Variants in CCDC30 observed in about 807,000 individuals in gnomAD.
CCDC30 encodes coiled-coil domain containing 30.
A neutral mutation model predicts 100.2 loss-of-function variants in CCDC30; 70 were observed. That is an observed-to-expected ratio of 0.70 (90% CI 0.58 to 0.85). The LOEUF (loss-of-function observed/expected upper bound fraction) is 0.85. Ranked by LOEUF, CCDC30 falls within the 40% of genes least tolerant of loss-of-function variation. The pLI is 0.00. For synonymous variants in CCDC30, 233 were observed against 269.5 expected (o/e 0.86, Z 1.33); for missense variants, 652 against 771.2 (o/e 0.85, Z 1.83).
intron 6 of CCDC30, among the ~76,000 whole-genome samples, chr1:42,512,114 A>T (rs1168762432): frequency 6.6e-6 from 1 of 152,250 alleles, no homozygotes; most frequent in Non-Finnish European, 1.5e-5. Flanking sequence ...CAGCATGAAC[A>T]TGTCCTCAAG....
At chr1:42,492,960 A>T (rs953055440) in intron 4 of CCDC30, among the ~76,000 whole-genome samples, 2 of 152,184 alleles carry the variant, frequency 1.3e-5, no homozygotes, top group African/African-American at 4.8e-5. Context: ...AGATATTTAT[A>T]AAAAGACCAT....
In CCDC30 at chr1:42,510,063, T is replaced by G. The variant is rs927655952; in HGVS notation, c.456+11147T>G. 7.1e-6 allele frequency: 7 copies of G among 985,226 alleles called. No individual in the cohort carries two copies. In the African/African-American group the frequency reaches 1.2e-4, roughly 17 times the overall value. The allele number at this position is 985,226 out of a possible 1,614,324, so 61.0% of individuals were successfully genotyped here. On this transcript the variant is annotated intron_variant, in intron 6 of 16. Coordinates refer to ENST00000668663, the Ensembl canonical transcript of CCDC30. The stretch of plus-strand genomic sequence containing the variant: ...CATAGAAAAGTCTCGGGGTTTGTGT[T>G]GTAGAATTGGAGGAGCTGACAATGT...
At chr1:42,593,767 A>G (rs1011747945) in intron 10 of CCDC30, 2 of 152,492 alleles carry the variant, frequency 1.3e-5, no homozygotes, top group African/African-American at 4.8e-5. Flanking sequence ...AAAGATCAAA[A>G]TATGTATGTA....
At chr1:42,482,632 T>C (rs1643981229) in intron 2 of CCDC30, 31 bp from the exon 3 acceptor site, 1 of 1,213,582 alleles carries the variant, frequency 8.2e-7, no homozygotes, top group Non-Finnish European at 1.0e-6. Flanking sequence ...ATTTGCTCTT[T>C]GTTTTATTAC....
chr1:42,621,239 T>C (rs1380934720), intron 11 of CCDC30, among the ~76,000 whole-genome samples: 1 of 152,214 alleles, frequency 6.6e-6, no homozygotes, highest in Admixed American at 6.5e-5. Context: ...AATAATCACA[T>C]CGTGGAGAAT....
chr1:42,513,090 A>G (rs1447800652), intron 6 of CCDC30, among the ~76,000 whole-genome samples: 6 of 152,202 alleles, frequency 3.9e-5, no homozygotes, highest in Non-Finnish European at 8.8e-5. Flanking sequence ...ACAAGCCACC[A>G]AGGGAAGTAG....
intron 6 of CCDC30, among the ~76,000 whole-genome samples, chr1:42,521,927 A>G (rs143504957): frequency 1.5e-4 from 23 of 151,854 alleles, no homozygotes; most frequent in Non-Finnish European, 2.6e-4. Context: ...TTATTCTTTC[A>G]CATTCAGTCT....
intron 6 of CCDC30, among the ~76,000 whole-genome samples, chr1:42,516,296 T>G (rs1644553369): frequency 6.6e-6 from 1 of 152,166 alleles, no homozygotes; most frequent in African/African-American, 2.4e-5. Flanking sequence ...AAAACTCCTT[T>G]TCATGTTGAA....
upstream of CCDC30, among the ~76,000 whole-genome samples, chr1:42,458,713 C>T (rs1443544170): frequency 6.6e-6 from 1 of 152,178 alleles, no homozygotes; most frequent in Non-Finnish European, 1.5e-5. Flanking sequence ...TCTCTGGGAT[C>T]TTTAGTTTAT....
intron 15 of CCDC30, among the ~76,000 whole-genome samples, chr1:42,650,845 C>T (rs546986082): frequency 8.8e-4 from 134 of 151,984 alleles, no homozygotes; most frequent in Non-Finnish European, 1.6e-3. Context: ...CCAGGCTGGT[C>T]TCAAACTCCT....
chr1:42,579,938 C>CAAAAAA (rs375950938), intron 8 of CCDC30, among the ~76,000 whole-genome samples: 1 of 140,866 alleles, frequency 7.1e-6, no homozygotes, highest in African/African-American at 2.6e-5. Flanking sequence ...CAGCACATCT[C>CAAAAAA]AAAAAAAAAA....
intron 8 of CCDC30, among the ~76,000 whole-genome samples, chr1:42,580,623 T>G (rs1317441334): frequency 6.6e-6 from 1 of 152,114 alleles, no homozygotes; most frequent in Non-Finnish European, 1.5e-5. Flanking sequence ...ATGTGGGGGT[T>G]TTTTGCTGCT....
intron 6 of CCDC30, among the ~76,000 whole-genome samples, chr1:42,526,204 C>T (rs1282318303): frequency 2.0e-5 from 3 of 152,150 alleles, no homozygotes; most frequent in Non-Finnish European, 2.9e-5. Context: ...ACCTAATTTC[C>T]ACCCATCTCT....
chr1:42,466,599 TG>T (rs1241431517), intron 1 of CCDC30, among the ~76,000 whole-genome samples: 4 of 151,908 alleles, frequency 2.6e-5, no homozygotes, highest in African/African-American at 7.3e-5. Flanking sequence ...TCGCCCAGGC[TG>T]GAGTGCAGTG....
intron 12 of CCDC30, among the ~76,000 whole-genome samples, chr1:42,639,984 AT>A (rs944624028): frequency 6.8e-6 from 1 of 146,984 alleles, no homozygotes; most frequent in African/African-American, 2.5e-5. Context: ...AAAAAAAAAA[AT>A]CTTAGAAGAA....
intron 10 of CCDC30, among the ~76,000 whole-genome samples, chr1:42,609,638 A>G (rs1646578113): frequency 6.6e-6 from 1 of 152,170 alleles, no homozygotes; most frequent in African/African-American, 2.4e-5. Context: ...CTTAACCCCA[A>G]CTAACCATGG....
intron 6 of CCDC30, among the ~76,000 whole-genome samples, chr1:42,509,444 C>T (rs1475795065): frequency 1.3e-5 from 2 of 152,158 alleles, no homozygotes; most frequent in Non-Finnish European, 2.9e-5. Flanking sequence ...TCAACTAGCA[C>T]CACCCAGATC....
intron 9 of CCDC30, among the ~76,000 whole-genome samples, chr1:42,584,888 T>C (rs1192609699): frequency 3.3e-5 from 5 of 152,180 alleles, no homozygotes; most frequent in Admixed American, 2.6e-4. Flanking sequence ...GGTATTAGGG[T>C]AATGTTTGTC....
At chr1:42,615,784 C>T (rs1646716252) in intron 11 of CCDC30, among the ~76,000 whole-genome samples, 1 of 152,178 alleles carries the variant, frequency 6.6e-6, no homozygotes, top group Non-Finnish European at 1.5e-5. Context: ...CCAGCATGTA[C>T]TTCCTGTCAA....
Sources: allele counts gnomAD v4.1 joint callset (sites outside exome capture counted in the v4.1 genomes callset), GRCh38; gene constraint gnomAD v4.1.1; transcripts MANE v1.5; gene names NCBI Gene and HGNC (gene_info 2026-07-23, HGNC 2026-07-21).